NUSAP1: variants seen among roughly 807,000 people sequenced by gnomAD.
The protein encoded by NUSAP1 is nucleolar and spindle-associated protein 1.
A neutral mutation model predicts 52.8 loss-of-function variants in NUSAP1; 32 were observed. The observed-to-expected ratio is 0.61, with a 90% CI of 0.46 to 0.81. The LOEUF (loss-of-function observed/expected upper bound fraction) is 0.81, where lower values mean the gene tolerates loss of function less well. NUSAP1 is among the 40% of genes least tolerant of loss of function. The pLI is 0.00. For missense variants in NUSAP1, 499 were observed against 522.3 expected (o/e 0.96, Z 0.43); for synonymous variants, 195 against 183.1 (o/e 1.06, Z -0.52).
intron 6 of NUSAP1, among the ~76,000 whole-genome samples, chr15:41,362,753 T>C (rs912433662): frequency 3.3e-5 from 5 of 152,084 alleles, no homozygotes; most frequent in African/African-American, 1.2e-4. Flanking sequence ...TTTAACTAGA[T>C]TAATAGTATC....
At chr15:41,362,378 T>C (rs1269543085) in intron 6 of NUSAP1, among the ~76,000 whole-genome samples, 1 of 151,406 alleles carries the variant, frequency 6.6e-6, no homozygotes, top group African/African-American at 2.4e-5. Flanking sequence ...TCTATATTAA[T>C]GGTATATATT....
At chr15:41,361,092 T>C (rs1231450016) in intron 6 of NUSAP1, among the ~76,000 whole-genome samples, 1 of 137,964 alleles carries the variant, frequency 7.2e-6, no homozygotes, top group Non-Finnish European at 1.6e-5. Context: ...AGACTCCATC[T>C]CAAAAAACAA....
rs1003884367 is a variant in NUSAP1 at position 41,356,023 on chromosome 15, G to A, written c.449-16G>A. ...TTTTTTGAAATCCTTCATTATTTCT[G>A]TGTCTTTGGATTTAGGTAACAGAGA... On this transcript the variant is annotated splice_polypyrimidine_tract_variant and intron_variant, in intron 4 of 10. Coordinates refer to ENST00000559596, the MANE Select transcript of NUSAP1 (RefSeq NM_016359.5). The A allele has an allele frequency of 1.2e-5, 18 of 1,485,636 alleles. No homozygotes were observed. The highest frequency in any genetic ancestry group is 1.7e-5 in the Non-Finnish European group (18 of 1,072,606). 92.0% of individuals were successfully genotyped at this position (1,485,636 alleles called of 1,614,324 possible). A position where few individuals can be genotyped will look rare whatever the true frequency, so the allele number is the denominator to read the frequency against.
rs1355890606 is a variant in NUSAP1 at position 41,361,306 on chromosome 15, T to C, written c.660+3048T>C. Among the ~76,000 whole-genome samples the C allele has an allele frequency of 2.6e-5, 4 of 151,692 alleles. No homozygotes were observed. The Admixed American group carries it at 2.6e-4, about 10-fold the overall frequency. ...TACTCGGGAGGCTGAGGCAGGAGAATTGCTTGAACCCGGGAGGCAGAGGTT... is the reference window on the plus strand; with the variant it reads ...TACTCGGGAGGCTGAGGCAGGAGAACTGCTTGAACCCGGGAGGCAGAGGTT... On this transcript the variant is annotated intron_variant, in intron 6 of 10. Coordinates refer to ENST00000559596, the MANE Select transcript of NUSAP1 (RefSeq NM_016359.5).
chr15:41,355,541 A>T (rs374023097), intron 4 of NUSAP1, among the ~76,000 whole-genome samples: 1 of 152,162 alleles, frequency 6.6e-6, no homozygotes, highest in African/African-American at 2.4e-5. Flanking sequence ...TACTTGAAGC[A>T]TATGACCTGT....
chr15:41,340,084 T>A (rs548216429), intron 1 of NUSAP1, among the ~76,000 whole-genome samples: 1 of 152,316 alleles, frequency 6.6e-6, no homozygotes, highest in South Asian at 2.1e-4. Flanking sequence ...AAATTCATAA[T>A]TTTTGCTGTG....
At position 41,365,556 on chromosome 15, in the gene NUSAP1, G is replaced by C; in HGVS notation, c.815G>C (p.Arg272Pro). ...STLGLKGSLKRSAISAAKTGV... is the reference protein window; with the variant it reads ...STLGLKGSLKPSAISAAKTGV... ...TTGGGTCTGAAGGGGTCACTCAAGCGCTCTGCTATCTCTGCAGCTAAAACG... is the reference window on the plus strand; with the variant it reads ...TTGGGTCTGAAGGGGTCACTCAAGCCCTCTGCTATCTCTGCAGCTAAAACG... Residue 272 changes from arginine to proline, a missense_variant, in exon 7 of 11, where the codon CGC becomes CCC. Physicochemically the swap from Arg to Pro is moderately radical, Grantham distance 103. Coordinates refer to ENST00000559596, the MANE Select transcript of NUSAP1 (RefSeq NM_016359.5). 1.9e-6 allele frequency: 3 copies of C among 1,610,854 alleles called. No homozygotes were observed. The highest frequency in any genetic ancestry group is 2.5e-6 in the Non-Finnish European group (3 of 1,178,210).
chr15:41,355,641 T>C (rs1342601328), intron 4 of NUSAP1, among the ~76,000 whole-genome samples: 1 of 151,052 alleles, frequency 6.6e-6, no homozygotes, highest in Admixed American at 6.6e-5. Flanking sequence ...GAAAATACTC[T>C]GTTAACTTAC....
chr15:41,343,010 T>C (rs2048421510), intron 2 of NUSAP1: 1 of 152,290 alleles, frequency 6.6e-6, no homozygotes, highest in African/African-American at 2.4e-5. Flanking sequence ...GGCTGAGTAC[T>C]AGTTGCCAAG....
chr15:41,343,829 A>T (rs1376713450), intron 2 of NUSAP1, among the ~76,000 whole-genome samples: 1 of 152,136 alleles, frequency 6.6e-6, no homozygotes, highest in Admixed American at 6.5e-5. Context: ...ATTAACTGAA[A>T]ATAGACAAGA....
At chr15:41,341,965 C>T (rs1397656187) in intron 1 of NUSAP1, among the ~76,000 whole-genome samples, 1 of 152,232 alleles carries the variant, frequency 6.6e-6, no homozygotes, top group African/African-American at 2.4e-5. Flanking sequence ...TCAAACTCCA[C>T]CCTCATTGTT....
intron 4 of NUSAP1, among the ~76,000 whole-genome samples, chr15:41,354,200 C>T (rs11854081): frequency 0.21 from 32,172 of 152,060 alleles, 3,677 homozygotes; most frequent in Non-Finnish European, 0.25. Flanking sequence ...CGTAGTGAGA[C>T]CTTGTCTCTT....
intron 10 of NUSAP1, among the ~76,000 whole-genome samples, chr15:41,379,638 G>A (rs935487905): frequency 5.9e-5 from 9 of 152,030 alleles, no homozygotes; most frequent in East Asian, 3.9e-4. Flanking sequence ...TCCGCCTCCC[G>A]GGTTCAAGGG....
chr15:41,345,192 G>A (rs964348242), intron 2 of NUSAP1, among the ~76,000 whole-genome samples: 4 of 152,054 alleles, frequency 2.6e-5, no homozygotes. Context: ...TAGAGACGGG[G>A]TTTCACAATA....
At chr15:41,376,904 G>A (rs1050433687) in intron 9 of NUSAP1, among the ~76,000 whole-genome samples, 2 of 151,284 alleles carry the variant, frequency 1.3e-5, no homozygotes, top group African/African-American at 2.4e-5. Context: ...ATGAAACCCC[G>A]TCTCTACTAA....
At position 41,380,427 on chromosome 15, in the gene NUSAP1, G is replaced by A. The variant is rs138559676; in HGVS notation, c.*241G>A. ...TCCATTAACAATTCAGGTTTCTAACGAGACCCATCCTAAAATTCTGTTTCT... is the reference window on the plus strand; with the variant it reads ...TCCATTAACAATTCAGGTTTCTAACAAGACCCATCCTAAAATTCTGTTTCT... On this transcript the variant is annotated 3_prime_UTR_variant, in exon 11 of 11. Coordinates refer to ENST00000559596, the MANE Select transcript of NUSAP1 (RefSeq NM_016359.5). 1.8e-3 allele frequency: 515 copies of A among 290,962 alleles called. 2 individuals are homozygous for A. Among genetic ancestry groups the A allele is most frequent in the Admixed American group, 5.5e-3 (108 of 19,736 alleles). The allele number at this position is 290,962 out of a possible 1,614,324, so 18.0% of individuals were successfully genotyped here. A position where few individuals can be genotyped will look rare whatever the true frequency, so the allele number is the denominator to read the frequency against.
chr15:41,358,697 G>C (rs1400037836), intron 6 of NUSAP1, among the ~76,000 whole-genome samples: 4 of 152,132 alleles, frequency 2.6e-5, no homozygotes, highest in African/African-American at 9.7e-5. Flanking sequence ...TCGCGCCACT[G>C]CACTCCAGCC....
At chr15:41,375,479 A>G (rs1031718787) in intron 8 of NUSAP1, among the ~76,000 whole-genome samples, 1 of 151,774 alleles carries the variant, frequency 6.6e-6, no homozygotes, top group South Asian at 2.1e-4. Context: ...CCTCTAGATA[A>G]TTTTTTGTAT....
intron 8 of NUSAP1, among the ~76,000 whole-genome samples, chr15:41,374,928 A>C (rs1249716533): frequency 7.3e-6 from 1 of 137,834 alleles, no homozygotes; most frequent in Admixed American, 7.3e-5. Flanking sequence ...TGCAAGCTCC[A>C]CCTCCCGGGT....
Sources: gnomAD v4.1 joint callset for allele counts (sites outside exome capture counted in the v4.1 genomes callset) on GRCh38, gnomAD v4.1.1 for gene constraint, MANE v1.5 for transcripts, NCBI Gene and HGNC (gene_info 2026-07-23, HGNC 2026-07-21) for gene names.